The following SANBR variants were observed in gnomAD, a reference collection of about 807,000 sequenced individuals.
SANBR encodes SANT and BTB domain regulator of class switch recombination.
A neutral mutation model predicts 101.8 loss-of-function variants in SANBR; 77 were observed. That is an observed-to-expected ratio of 0.76 (90% CI 0.63 to 0.91). SANBR has a LOEUF of 0.91. SANBR is among the 40% of genes least tolerant of loss of function. SANBR has a pLI of 0.00. For missense variants in SANBR, 875 were observed against 853.0 expected (o/e 1.03, Z -0.32); for synonymous variants, 279 against 274.7 (o/e 1.02, Z -0.15).
intron 6 of SANBR, among the ~76,000 whole-genome samples, chr2:61,080,694 C>G (rs1030838117): frequency 2.6e-5 from 4 of 151,542 alleles, no homozygotes; most frequent in African/African-American, 9.7e-5. Flanking sequence ...GCACTCCAGC[C>G]TGGCAACAGA....
At chr2:61,120,454 C>A (rs1177291) in intron 20 of SANBR, among the ~76,000 whole-genome samples, 2 of 152,152 alleles carry the variant, frequency 1.3e-5, no homozygotes, top group Non-Finnish European at 2.9e-5. Flanking sequence ...GAGCCAAGAT[C>A]GTGCCACTGC....
intron 8 of SANBR, among the ~76,000 whole-genome samples, chr2:61,085,480 G>A (rs796649106): frequency 6.6e-6 from 1 of 151,516 alleles, no homozygotes; most frequent in Admixed American, 6.6e-5. Context: ...TGATTTCTTT[G>A]TCTATCCTTG....
At position 61,098,030 on chromosome 2, in the gene SANBR, CCTT is replaced by C. The variant is rs567600369; in HGVS notation, c.1365+182_1365+184del. ...TCACTGTTAATGGTTTCCTTTTAGA[CCTT>C]CTTTTGTACCTTTCAGGCACAAATT... On this transcript the variant is annotated intron_variant, in intron 12 of 21. Transcript: ENST00000402291. 2.7e-4 allele frequency among the ~76,000 whole-genome samples: 41 copies of C among 150,770 alleles called. No homozygotes were observed. The East Asian group carries it at 3.7e-3, about 14-fold the overall frequency.
intron 8 of SANBR, among the ~76,000 whole-genome samples, chr2:61,087,742 T>C (rs1682513633): frequency 6.6e-6 from 1 of 151,900 alleles, no homozygotes; most frequent in Non-Finnish European, 1.5e-5. Flanking sequence ...TCCCAGCTAC[T>C]CGGGATGCTC....
In SANBR at chr2:61,122,150, G is replaced by A. The variant is rs1486005746; in HGVS notation, c.2145G>A (p.Gly715=). The change falls in exon 22 of 22, where the codon GGG becomes GGA. Residue 715 remains glycine, a synonymous_variant. Transcript: ENST00000402291. Reference sequence around the variant, plus strand: ...GGTCTAAAAGTCGTTTTGGTCAAGGGCGTCCTGCATAAAGTACCTTAAAAT... The same window carrying A: ...GGTCTAAAAGTCGTTTTGGTCAAGGACGTCCTGCATAAAGTACCTTAAAAT... The part of the protein sequence containing the change: ...NTRSKSRFGQ[G]RPA 6.5e-7 allele frequency: 1 copy of A among 1,550,116 alleles called. No homozygotes were observed. The highest frequency in any genetic ancestry group is 1.4e-5 in the African/African-American group (1 of 72,942).
Position 61,121,296 on chromosome 2 carries a change from A to T in SANBR, c.2120+20A>T, listed in dbSNP as rs535653101. ...CACAAGGTAAATCAGCATAAACTAA[A>T]CCAGAGTGTCAGTGGCTTTGAAGTG... On this transcript the variant is annotated intron_variant, in intron 21 of 21. Coordinates refer to ENST00000402291, the MANE Select transcript of SANBR (RefSeq NM_001129993.3). 3.3e-6 allele frequency: 5 copies of T among 1,530,230 alleles called. No individual in the cohort carries two copies. In the South Asian group the frequency reaches 6.0e-5, roughly 18 times the overall value. The allele number at this position is 1,530,230 out of a possible 1,614,324, so 94.8% of individuals were successfully genotyped here.
At chr2:61,128,904 G>C (rs1329039063), downstream of SANBR, among the ~76,000 whole-genome samples, 2 of 152,050 alleles carry the variant, frequency 1.3e-5, no homozygotes, top group Non-Finnish European at 2.9e-5. Context: ...GGAGGCTGCA[G>C]TGAGTTATAA....
At chr2:61,111,387 C>T (rs558220523) in intron 16 of SANBR, among the ~76,000 whole-genome samples, 4 of 152,140 alleles carry the variant, frequency 2.6e-5, no homozygotes, top group Non-Finnish European at 4.4e-5. Flanking sequence ...AGCGAGACTC[C>T]GTCTCAAAAA....
chr2:61,117,378 C>T lies in SANBR; in HGVS notation c.1858C>T (p.Pro620Ser), dbSNP rs1427286142. The change falls in exon 18 of 22, where the codon CCT becomes TCT. Residue 620 changes from proline to serine, a missense_variant. By Grantham distance (74) the Pro-to-Ser change is moderately conservative (BLOSUM62 -1). Transcript: ENST00000402291. Reference protein sequence around the residue: ...LEKSASRDVSPFVMSMQKNKW... With the variant: ...LEKSASRDVSSFVMSMQKNKW... The stretch of plus-strand genomic sequence containing the variant: ...TTAGTCAGCTTCTAGAGATGTGTCT[C>T]CTTTCGTGTGAGTATTGCTCCTTAA... The T allele has an allele frequency of 6.2e-7, 1 of 1,613,822 alleles. No homozygotes were observed. The highest frequency in any genetic ancestry group is 1.1e-5 in the South Asian group (1 of 91,072).
chr2:61,087,080 T>C (rs375224794), intron 8 of SANBR, among the ~76,000 whole-genome samples: 3 of 152,176 alleles, frequency 2.0e-5, no homozygotes, highest in East Asian at 3.8e-4. Context: ...TCTAGTACTC[T>C]TTAAAAACAT....
chr2:61,083,193 GC>G lies in SANBR; in HGVS notation c.771del (p.Ile258Ter), dbSNP rs755052396. On this transcript the variant is annotated frameshift_variant, in exon 8 of 22. Transcript: ENST00000402291. LOFTEE classifies it high-confidence loss of function. ...CIQYCHKNMN[A>X]IVATPCNMNC... ...TCAGTATTGCCACAAAAATATGAAT[GC>G]CATAGTAGCTACCCCATGCAACATG... is the stretch of plus-strand genomic sequence containing the variant. 1 of 1,612,460 alleles carries G rather than the reference GC, an allele frequency of 6.2e-7. No homozygotes were observed. Among genetic ancestry groups the G allele is most frequent in the Non-Finnish European group, 8.5e-7 (1 of 1,178,756 alleles).
chr2:61,088,257 T>G lies in SANBR; in HGVS notation c.977+12T>G. ...GCAACATTGTATAGGTATGCTAACA[T>G]GTTTTTTTCTTTGGTGTACTTTATA... is the stretch of plus-strand genomic sequence containing the variant. On this transcript the variant is annotated intron_variant, in intron 9 of 21. Coordinates refer to ENST00000402291, the MANE Select transcript of SANBR (RefSeq NM_001129993.3). 6.3e-7 allele frequency: 1 copy of G among 1,593,556 alleles called. No homozygotes were observed. The highest frequency in any genetic ancestry group is 8.5e-7 in the Non-Finnish European group (1 of 1,170,098).
intron 13 of SANBR, among the ~76,000 whole-genome samples, chr2:61,105,016 T>A (rs1286086164): frequency 6.7e-6 from 1 of 150,128 alleles, no homozygotes; most frequent in Non-Finnish European, 1.5e-5. Context: ...ATTCGGTAAT[T>A]TCTGAAGTCA....
Position 61,096,269 on chromosome 2 carries a change from C to T in SANBR, c.1213-1431C>T, listed in dbSNP as rs1195466740. Among the ~76,000 whole-genome samples, 3 of 152,164 alleles carry T rather than the reference C, an allele frequency of 2.0e-5. 1 individual carries two copies. Among genetic ancestry groups the T allele is most frequent in the South Asian group, 4.1e-4 (2 of 4,826 alleles). Reference sequence around the variant, plus strand: ...TGCACAGGCCCAAAAGTCTTGTCCCCTCTAGATCTGAGTAAGATATCACCT... The same window carrying T: ...TGCACAGGCCCAAAAGTCTTGTCCCTTCTAGATCTGAGTAAGATATCACCT... On this transcript the variant is annotated intron_variant, in intron 11 of 21. Transcript: ENST00000402291.
At chr2:61,101,955 C>T (rs1683306689) in intron 12 of SANBR, among the ~76,000 whole-genome samples, 1 of 150,566 alleles carries the variant, frequency 6.6e-6, no homozygotes, top group Non-Finnish European at 1.5e-5. Context: ...TCGCTTGAAT[C>T]CAGGAGGCGG....
At chr2:61,137,578 C>A (rs904641389) in exon 22 of SANBR, 1 of 151,224 alleles carries the variant, frequency 6.6e-6, no homozygotes, top group African/African-American at 2.4e-5. Flanking sequence ...ATTTTTTTTT[C>A]TTTTTGCTTG....
chr2:61,090,651 G>A (rs745995690), intron 10 of SANBR: 1 of 153,226 alleles, frequency 6.5e-6, no homozygotes, highest in Non-Finnish European at 1.4e-5. Context: ...TCCTGAGCTA[G>A]GACCATGGGT....
At chr2:61,066,245 C>G (rs1001875763) in intron 1 of SANBR, 1 of 152,462 alleles carries the variant, frequency 6.6e-6, no homozygotes, top group Non-Finnish European at 1.5e-5. Flanking sequence ...CGGTCCATGT[C>G]CCTGCAGACC....
At chr2:61,076,394 G>T (rs967495313) in intron 5 of SANBR, among the ~76,000 whole-genome samples, 4 of 148,846 alleles carry the variant, frequency 2.7e-5, no homozygotes, top group Admixed American at 2.7e-4. Context: ...AAGGCAGGCG[G>T]ATCACGAGGT....
Sources: gnomAD v4.1 joint callset for allele counts (sites outside exome capture counted in the v4.1 genomes callset) on GRCh38, gnomAD v4.1.1 for gene constraint, MANE v1.5 for transcripts, NCBI Gene and HGNC (gene_info 2026-07-23, HGNC 2026-07-21) for gene names.